SEMA3E: variants seen among roughly 807,000 people sequenced by gnomAD.
SEMA3E encodes the protein semaphorin-3E.
A neutral mutation model predicts 93.6 loss-of-function variants in SEMA3E; 49 were observed. The observed-to-expected ratio is 0.52, with a 90% CI of 0.42 to 0.66. SEMA3E has a LOEUF of 0.66. SEMA3E is among the 30% of genes least tolerant of loss of function. The pLI, the probability that SEMA3E is intolerant of heterozygous loss-of-function variation, is 0.00. For missense variants in SEMA3E, 906 were observed against 964.8 expected (o/e 0.94, Z 0.81); for synonymous variants, 363 against 330.7 (o/e 1.10, Z -1.06).
intron 1 of SEMA3E, among the ~76,000 whole-genome samples, chr7:83,527,692 A>C (rs1159108834): frequency 1.3e-5 from 2 of 152,192 alleles, no homozygotes; most frequent in African/African-American, 2.4e-5. Context: ...AATTGGTAGC[A>C]AAGACTTCTT....
At chr7:83,633,323 A>G (rs1793822646) in intron 1 of SEMA3E, among the ~76,000 whole-genome samples, 2 of 152,088 alleles carry the variant, frequency 1.3e-5, no homozygotes, top group Admixed American at 6.5e-5. Context: ...CCTTACTATA[A>G]CCAATGAGAA....
chr7:83,575,681 G>A (rs1282292638), intron 1 of SEMA3E, among the ~76,000 whole-genome samples: 1 of 152,096 alleles, frequency 6.6e-6, no homozygotes, highest in African/African-American at 2.4e-5. Flanking sequence ...GTAAGCTGTG[G>A]ATCCCTTCTT....
chr7:83,408,007 C>T (rs988548524), intron 6 of SEMA3E, among the ~76,000 whole-genome samples: 57 of 152,140 alleles, frequency 3.7e-4, no homozygotes, highest in African/African-American at 1.4e-3. Flanking sequence ...TTAAAACAAG[C>T]AAAGCAGGGC....
chr7:83,554,675 C>G (rs1172750858), intron 1 of SEMA3E, among the ~76,000 whole-genome samples: 1 of 152,072 alleles, frequency 6.6e-6, no homozygotes, highest in Non-Finnish European at 1.5e-5. Flanking sequence ...ATTACTAACA[C>G]TTTAAAGACA....
chr7:83,392,503 C>T, intron 14 of SEMA3E, 52 bp downstream of exon 14: 3 of 1,477,134 alleles, frequency 2.0e-6, no homozygotes, highest in Non-Finnish European at 2.8e-6. Context: ...AAAAAAAAAG[C>T]ATTAGGGTTT....
chr7:83,621,519 A>G (rs537516069), intron 1 of SEMA3E, among the ~76,000 whole-genome samples: 3 of 152,330 alleles, frequency 2.0e-5, no homozygotes, highest in Non-Finnish European at 2.9e-5. Flanking sequence ...ATGGAACTAA[A>G]AAAGAGCCCA....
intron 1 of SEMA3E, among the ~76,000 whole-genome samples, chr7:83,505,367 T>A (rs1014940804): frequency 6.6e-6 from 1 of 152,140 alleles, no homozygotes; most frequent in African/African-American, 2.4e-5. Flanking sequence ...AATCTAAGTC[T>A]ATTAACCTCA....
chr7:83,494,550 C>G (rs144382202), intron 1 of SEMA3E, among the ~76,000 whole-genome samples: 1 of 151,924 alleles, frequency 6.6e-6, no homozygotes, highest in African/African-American at 2.4e-5. Flanking sequence ...TTAATGACTG[C>G]AATGAACAGA....
In SEMA3E at chr7:83,600,669, C is replaced by G. The variant is rs185761590; in HGVS notation, c.115+47759G>C. Among the ~76,000 whole-genome samples the G allele has an allele frequency of 1.2e-4, 18 of 151,600 alleles. 1 individual carries two copies. In the South Asian group the frequency reaches 3.8e-3, roughly 32 times the overall value. ...GCCGAAATATTAATTCTTATAAGCA[C>G]GGCAGAATCTCAAGAAACTTTAAGA... On this transcript the variant is annotated intron_variant, in intron 1 of 16. Transcript: ENST00000643230.
At chr7:83,558,180 A>G (rs1468622) in intron 1 of SEMA3E, among the ~76,000 whole-genome samples, 14,982 of 152,162 alleles carry the variant, frequency 0.098, 972 homozygotes, top group East Asian at 0.2. Context: ...TGGTGGGGCA[A>G]AGCCTTGAGA....
At position 83,538,456 on chromosome 7, in the gene SEMA3E, T is replaced by C. The variant is rs184497705; in HGVS notation, c.116-48182A>G. On this transcript the variant is annotated intron_variant, in intron 1 of 16. Transcript: ENST00000643230. Reference sequence around the variant, plus strand: ...CCTAGTTATGTTGAGCATCTTTTCATGTGCTTACTGACCATTTGCATATCT... The same window carrying C: ...CCTAGTTATGTTGAGCATCTTTTCACGTGCTTACTGACCATTTGCATATCT... 2.5e-4 allele frequency among the ~76,000 whole-genome samples: 38 copies of C among 152,318 alleles called. No individual in the cohort carries two copies. The East Asian group carries it at 6.4e-3, about 26-fold the overall frequency.
intron 1 of SEMA3E, among the ~76,000 whole-genome samples, chr7:83,525,209 G>A (rs934364990): frequency 1.3e-5 from 2 of 152,048 alleles, no homozygotes; most frequent in African/African-American, 4.8e-5. Flanking sequence ...GGATTTTAGA[G>A]TTGAAGCTAT....
intron 12 of SEMA3E, among the ~76,000 whole-genome samples, chr7:83,395,967 G>A (rs1788110456): frequency 6.6e-6 from 1 of 152,040 alleles, no homozygotes; most frequent in Non-Finnish European, 1.5e-5. Context: ...TCCCATGGGA[G>A]CAGTGGTCAG....
Position 83,364,029 on chromosome 7 carries a change from G to A in SEMA3E, c.*3557C>T, listed in dbSNP as rs1377527510. 2.0e-5 allele frequency: 3 copies of A among 150,578 alleles called. No homozygotes were observed. The highest frequency in any genetic ancestry group is 2.1e-4 in the South Asian group (1 of 4,774). The allele number at this position is 150,578 out of a possible 1,614,324, so 9.3% of individuals were successfully genotyped here. ...CCTGCCTCAGCCTCCCAAGTAGCTG[G>A]GACTACAGGCGCCCGCCACCGCGCC... On this transcript the variant is annotated 3_prime_UTR_variant, in exon 17 of 17. Transcript: ENST00000643230.
chr7:83,392,081 C>T (rs1431979511), intron 14 of SEMA3E, among the ~76,000 whole-genome samples: 1 of 152,040 alleles, frequency 6.6e-6, no homozygotes, highest in Non-Finnish European at 1.5e-5. Context: ...GAATTGTAGG[C>T]ATTGGAGTTT....
intron 5 of SEMA3E, among the ~76,000 whole-genome samples, chr7:83,409,875 T>C (rs1788405268): frequency 6.6e-6 from 1 of 151,672 alleles, no homozygotes; most frequent in Admixed American, 6.6e-5. Context: ...TTTGTATGAT[T>C]TAACATTTGA....
intron 14 of SEMA3E, among the ~76,000 whole-genome samples, chr7:83,391,812 T>A (rs992893891): frequency 2.4e-4 from 37 of 152,168 alleles, no homozygotes; most frequent in African/African-American, 8.4e-4. Flanking sequence ...TACAAACTGT[T>A]TTTCAGTAAG....
intron 4 of SEMA3E, among the ~76,000 whole-genome samples, chr7:83,449,936 C>T (rs941110871): frequency 1.1e-4 from 17 of 152,110 alleles, no homozygotes; most frequent in African/African-American, 4.1e-4. Context: ...CATAAAATCC[C>T]CCAACAAACC....
intron 1 of SEMA3E, among the ~76,000 whole-genome samples, chr7:83,531,393 C>T (rs1791297277): frequency 7.4e-6 from 1 of 135,392 alleles, no homozygotes; most frequent in South Asian, 2.4e-4. Context: ...GTCACCCAGG[C>T]TGGAGTGCAG....
Sources: gnomAD v4.1 joint callset for allele counts (sites outside exome capture counted in the v4.1 genomes callset) on GRCh38, gnomAD v4.1.1 for gene constraint, MANE v1.5 for transcripts, NCBI Gene and HGNC (gene_info 2026-07-23, HGNC 2026-07-21) for gene names.